The following ADGRB3 variants were observed in gnomAD, a reference collection of about 807,000 sequenced individuals.
The protein encoded by ADGRB3 is adhesion G protein-coupled receptor B3.
ADGRB3 carries 37 observed loss-of-function variants against 193.4 expected under a neutral mutation model. The observed-to-expected ratio is 0.19, with a 90% CI of 0.15 to 0.25. ADGRB3 has a LOEUF of 0.25. Among genes scored for constraint, ADGRB3 ranks in the 10% least tolerant of loss-of-function variants. The pLI is 1.00. For synonymous variants in ADGRB3, 690 were observed against 644.2 expected, an observed-to-expected ratio of 1.07 and a Z score of -1.08; for missense variants, 1,637 against 1,852.9, an observed-to-expected ratio of 0.88 and a Z score of 2.14.
At chr6:69,305,380 T>C (rs906542369) in intron 20 of ADGRB3, among the ~76,000 whole-genome samples, 1 of 151,554 alleles carries the variant, frequency 6.6e-6, no homozygotes. Context: ...TTTTGGCTAA[T>C]AGAGATTGTT....
At chr6:69,207,296 C>T (rs1765559900) in intron 17 of ADGRB3, among the ~76,000 whole-genome samples, 1 of 152,136 alleles carries the variant, frequency 6.6e-6, no homozygotes, top group Non-Finnish European at 1.5e-5. Context: ...ACTTCCACTT[C>T]CATCCCTTGA....
intron 3 of ADGRB3, among the ~76,000 whole-genome samples, chr6:68,862,792 T>C (rs1765192987): frequency 6.6e-6 from 1 of 152,178 alleles, no homozygotes; most frequent in African/African-American, 2.4e-5. Context: ...TGTTTTAGCA[T>C]TTATCTTCTT....
At chr6:69,331,687 C>G (rs1301153448) in intron 23 of ADGRB3, 4 of 985,206 alleles carry the variant, frequency 4.1e-6, no homozygotes, top group Middle Eastern at 1.0e-3. Flanking sequence ...ATTTAATCAA[C>G]TGAACTATTT....
chr6:69,065,760 T>TACACAAACAC (rs1485700358), intron 16 of ADGRB3, among the ~76,000 whole-genome samples: 1 of 118,132 alleles, frequency 8.5e-6, no homozygotes, highest in Non-Finnish European at 1.9e-5. Flanking sequence ...TTCATGTATA[T>TACACAAACAC]ATATACACAC....
intron 20 of ADGRB3, among the ~76,000 whole-genome samples, chr6:69,308,750 T>C (rs995124135): frequency 9.2e-5 from 14 of 151,824 alleles, no homozygotes; most frequent in African/African-American, 3.1e-4. Flanking sequence ...GATTTTTTTT[T>C]CTGCCATACT....
chr6:69,049,484 T>C, intron 15 of ADGRB3, 138 bp downstream of exon 15: 2 of 601,346 alleles, frequency 3.3e-6, no homozygotes, highest in South Asian at 2.5e-5. Context: ...AATACAAATT[T>C]AATGAACAGG....
intron 17 of ADGRB3, among the ~76,000 whole-genome samples, chr6:69,192,481 C>T (rs920633406): frequency 2.6e-5 from 4 of 152,154 alleles, no homozygotes; most frequent in Non-Finnish European, 5.9e-5. Flanking sequence ...TTTGGTAACA[C>T]CCTCACAGAC....
At chr6:68,663,453 A>G (rs1380054241) in intron 3 of ADGRB3, among the ~76,000 whole-genome samples, 5 of 151,706 alleles carry the variant, frequency 3.3e-5, no homozygotes, top group South Asian at 2.1e-4. Context: ...TGAGATTAAT[A>G]GGATAAAAAT....
chr6:68,809,658 G>A (rs905549297), intron 3 of ADGRB3, among the ~76,000 whole-genome samples: 1 of 152,066 alleles, frequency 6.6e-6, no homozygotes, highest in African/African-American at 2.4e-5. Context: ...CAATCCCCAA[G>A]GTCAAGTACT....
intron 3 of ADGRB3, among the ~76,000 whole-genome samples, chr6:68,929,468 A>G (rs1050365747): frequency 2.9e-4 from 44 of 152,162 alleles, no homozygotes; most frequent in Admixed American, 2.6e-4. Flanking sequence ...TAGTGCTTAC[A>G]AGATACACAG....
chr6:69,162,774 AT>A (rs1380035761), intron 17 of ADGRB3, among the ~76,000 whole-genome samples: 1 of 152,100 alleles, frequency 6.6e-6, no homozygotes, highest in African/African-American at 2.4e-5. Context: ...AGACTCAGAC[AT>A]TACTTTAATG....
At chr6:69,000,873 T>A (rs1582384252) in intron 11 of ADGRB3, among the ~76,000 whole-genome samples, 1 of 152,196 alleles carries the variant, frequency 6.6e-6, no homozygotes, top group African/African-American at 2.4e-5. Flanking sequence ...CTGTTATCCA[T>A]TTTTCAGGGA....
At chr6:68,946,516 A>G (rs1159126552) in intron 6 of ADGRB3, among the ~76,000 whole-genome samples, 1 of 152,200 alleles carries the variant, frequency 6.6e-6, no homozygotes, top group African/African-American at 2.4e-5. Context: ...TTGAGGATTC[A>G]GTGGTTTCAG....
chr6:69,160,495 T>C (rs1241512487), intron 17 of ADGRB3, among the ~76,000 whole-genome samples: 2 of 152,168 alleles, frequency 1.3e-5, no homozygotes, highest in African/African-American at 4.8e-5. Flanking sequence ...TCAGGACTTT[T>C]CTCAAATGTT....
chr6:68,956,220 T>A, intron 7 of ADGRB3, 32 bp downstream of exon 7: 1 of 1,571,760 alleles, frequency 6.4e-7, no homozygotes, highest in African/African-American at 1.4e-5. Flanking sequence ...TCATGGGCAC[T>A]CGTACCATGT....
intron 20 of ADGRB3, among the ~76,000 whole-genome samples, chr6:69,285,713 G>A (rs1177447285): frequency 2.0e-5 from 3 of 151,762 alleles, no homozygotes; most frequent in African/African-American, 7.3e-5. Context: ...TATCATTGTG[G>A]CAGTCTCCTG....
chr6:69,075,057 T>G (rs1226418581), intron 16 of ADGRB3, among the ~76,000 whole-genome samples: 12 of 152,202 alleles, frequency 7.9e-5, no homozygotes. Flanking sequence ...AGGAAGAGTC[T>G]ACCCAAATAT....
intron 26 of ADGRB3, among the ~76,000 whole-genome samples, chr6:69,343,428 C>T (rs953304658): frequency 1.1e-4 from 16 of 145,224 alleles, no homozygotes; most frequent in African/African-American, 2.8e-4. Context: ...AGTGAGAATA[C>T]GCGGTGTTTG....
At chr6:69,285,161 T>C (rs1767521329) in intron 20 of ADGRB3, among the ~76,000 whole-genome samples, 1 of 152,194 alleles carries the variant, frequency 6.6e-6, no homozygotes, top group Non-Finnish European at 1.5e-5. Flanking sequence ...ATAGTTCCAA[T>C]GATCAAGAAG....
Sources: gnomAD v4.1 joint callset for allele counts (sites outside exome capture counted in the v4.1 genomes callset) on GRCh38, gnomAD v4.1.1 for gene constraint, MANE v1.5 for transcripts, NCBI Gene and HGNC (gene_info 2026-07-23, HGNC 2026-07-21) for gene names.